Variants in ZNF850 observed in about 807,000 individuals in gnomAD.
The protein encoded by ZNF850 is zinc finger protein 850, also known as putative zinc finger protein ENSP00000330994.
In ZNF850, 2 loss-of-function variants were observed where a neutral mutation model predicts 11.9. That is an observed-to-expected ratio of 0.17 (90% CI 0.07 to 0.53). The LOEUF is 0.53. Ranked by LOEUF, ZNF850 falls within the 20% of genes least tolerant of loss-of-function variation. The probability of loss-of-function intolerance (pLI) is 0.94; values close to 1 mark genes in which losing one functional copy is unlikely to be tolerated. For missense variants in ZNF850, 1,014 were observed against 1,316.4 expected (o/e 0.77, Z 3.55); for synonymous variants, 381 against 443.0 (o/e 0.86, Z 1.76).
intron 1 of ZNF850, among the ~76,000 whole-genome samples, chr19:36,771,128 TTCTC>T (rs1406248346): frequency 6.6e-6 from 1 of 152,202 alleles, no homozygotes; most frequent in Non-Finnish European, 1.5e-5. Flanking sequence ...TTTGCCTTCT[TTCTC>T]TCACGGCCAA....
In ZNF850 at chr19:36,758,929, A is replaced by G. The variant is rs1469864940; in HGVS notation, c.235+2714T>C. ...CCATCTCAACTAAAAATACAAAAAA[A>G]AAAATTAGCTGGGTGTGGTGGCACA... is the stretch of plus-strand genomic sequence containing the variant. On this transcript the variant is annotated intron_variant, in intron 4 of 4. Coordinates refer to ENST00000591344, the MANE Select transcript of ZNF850 (RefSeq NM_001193552.2). Among the ~76,000 whole-genome samples the G allele has an allele frequency of 2.0e-5, 3 of 152,102 alleles. No homozygotes were observed. In the South Asian group the frequency reaches 6.2e-4, roughly 32 times the overall value.
In ZNF850 at chr19:36,762,576, T is replaced by C. The variant is rs770102357; in HGVS notation, c.12+19A>G. ...GAGTGGGGAAGAGTAAAAAAATTAGTGTAACTTCAACAAAGTACCTCCATG... is the reference window on the plus strand; with the variant it reads ...GAGTGGGGAAGAGTAAAAAAATTAGCGTAACTTCAACAAAGTACCTCCATG... On this transcript the variant is annotated intron_variant, in intron 2 of 4. Coordinates refer to ENST00000591344, the MANE Select transcript of ZNF850 (RefSeq NM_001193552.2). 23 of 1,535,886 alleles carry C rather than the reference T, an allele frequency of 1.5e-5. No homozygotes were observed. The highest frequency in any genetic ancestry group is 2.4e-5 in the East Asian group (1 of 40,928).
At position 36,761,686 on chromosome 19, in the gene ZNF850, C is replaced by T. The variant is rs551002356; in HGVS notation, c.192G>A (p.Glu64=). The T allele has an allele frequency of 2.2e-5, 35 of 1,562,552 alleles. No homozygotes were observed. The highest frequency in any genetic ancestry group is 8.1e-5 in the African/African-American group (6 of 74,288). Residue 64 remains glutamate (E), a synonymous_variant, in exon 4 of 5, where the codon GAG becomes GAA. Coordinates refer to ENST00000591344, the MANE Select transcript of ZNF850 (RefSeq NM_001193552.2). ...DVISLLEQGK[E]PWMVSRDVLG... is the part of the protein sequence containing the mutation. ...GCACGTCCCTTGAAACCATCCAGGG[C>T]TCTTTCCCTTGCTCCAGTAAGGAAA...
intron 1 of ZNF850, among the ~76,000 whole-genome samples, chr19:36,772,473 C>A (rs1317721018): frequency 2.0e-5 from 3 of 152,154 alleles, no homozygotes; most frequent in Admixed American, 2.0e-4. Context: ...AAGTCACACA[C>A]CCACCCCGGG....
intron 1 of ZNF850, among the ~76,000 whole-genome samples, chr19:36,765,433 A>G (rs1387662722): frequency 1.3e-5 from 2 of 152,048 alleles, no homozygotes; most frequent in Non-Finnish European, 2.9e-5. Flanking sequence ...TTACCTTACA[A>G]ATGCTGCTTT....
intron 1 of ZNF850, among the ~76,000 whole-genome samples, chr19:36,764,633 G>A (rs897318163): frequency 4.0e-5 from 6 of 151,006 alleles, no homozygotes; most frequent in Non-Finnish European, 7.4e-5. Context: ...CGCCAAAACT[G>A]TTTTGTTTTT....
In ZNF850 at chr19:36,750,230, T is replaced by C. The variant is rs1425183180; in HGVS notation, c.810A>G (p.Gln270=). The change falls in exon 5 of 5, where the codon CAA becomes CAG. Residue 270 remains glutamine, a synonymous_variant. Transcript: ENST00000591344. ...KAFRPSAHLI[Q]HWRIHTGDKP... ...TGTCACCAGTATGAATTCTCCAATGTTGAATAAGATGTGCAGACGGTCTAA... is the reference window on the plus strand; with the variant it reads ...TGTCACCAGTATGAATTCTCCAATGCTGAATAAGATGTGCAGACGGTCTAA... The C allele has an allele frequency of 5.9e-6, 9 of 1,538,420 alleles. No individual in the cohort carries two copies. The highest frequency in any genetic ancestry group is 1.4e-5 in the African/African-American group (1 of 73,070).
rs1287955157 is a variant in ZNF850, at chr19:36,749,854, T to A, written c.1186A>T (p.Lys396Ter). The A allele has an allele frequency of 6.3e-7, 1 of 1,578,304 alleles. No homozygotes were observed. Among genetic ancestry groups the A allele is most frequent in the Non-Finnish European group, 8.6e-7 (1 of 1,164,442 alleles). ...AAAGTAAAAGATTTCCCACATTCCTTACAATCATAGGGTTTCTCACCAGTG... is the reference window on the plus strand; with the variant it reads ...AAAGTAAAAGATTTCCCACATTCCTAACAATCATAGGGTTTCTCACCAGTG... ...IHTGEKPYDCKECGKSFTFRS... is the reference protein window; with the variant it reads ...IHTGEKPYDC Residue 396 changes from lysine (K) to a stop codon, truncating the protein, a stop_gained, in exon 5 of 5, where the codon AAG becomes TAG. Coordinates refer to ENST00000591344, the MANE Select transcript of ZNF850 (RefSeq NM_001193552.2). LOFTEE classifies it low-confidence loss of function (END_TRUNC).
At chr19:36,766,599 C>T (rs1338114151) in intron 1 of ZNF850, among the ~76,000 whole-genome samples, 4 of 152,170 alleles carry the variant, frequency 2.6e-5, no homozygotes, top group African/African-American at 9.7e-5. Context: ...ATTTTTGCTG[C>T]AAACCTTTCC....
chr19:36,765,997 T>C (rs1176156926), intron 1 of ZNF850, among the ~76,000 whole-genome samples: 1 of 152,146 alleles, frequency 6.6e-6, no homozygotes, highest in East Asian at 1.9e-4. Flanking sequence ...CAAGTGACTC[T>C]TGTGCCTCAG....
chr19:36,756,437 CTA>C (rs1413389361), intron 4 of ZNF850, among the ~76,000 whole-genome samples: 2 of 152,142 alleles, frequency 1.3e-5, no homozygotes, highest in African/African-American at 4.8e-5. Flanking sequence ...GTATGTGTAT[CTA>C]TGTGTGCATT....
rs826987 is a variant in ZNF850, at chr19:36,747,179, C to T, written c.*588G>A. ...ACAAAACAAACAAACAAAAAATACA[C>T]AAAAACAACTATTGCCATCAACATT... is the stretch of plus-strand genomic sequence containing the variant. On this transcript the variant is annotated 3_prime_UTR_variant, in exon 5 of 5. Transcript: ENST00000591344. The T allele has an allele frequency of 0.31, 48,004 of 155,874 alleles. 7,855 individuals are homozygous for T. Among genetic ancestry groups the T allele is most frequent in the East Asian group, 0.57 (3,030 of 5,280 alleles). 9.7% of individuals were successfully genotyped at this position (155,874 alleles called of 1,614,324 possible).
chr19:36,767,353 T>C (rs1017760857), intron 1 of ZNF850, among the ~76,000 whole-genome samples: 1 of 151,968 alleles, frequency 6.6e-6, no homozygotes, highest in Non-Finnish European at 1.5e-5. Flanking sequence ...GGTCAGGAGT[T>C]CCAGACCAGC....
intron 1 of ZNF850, among the ~76,000 whole-genome samples, chr19:36,768,687 G>T (rs1220692898): frequency 6.6e-6 from 1 of 152,152 alleles, no homozygotes. Flanking sequence ...GATAGGCCAG[G>T]TGTGGTGGCT....
Position 36,763,567 on chromosome 19 carries a change from A to C in ZNF850, c.-69-892T>G, listed in dbSNP as rs145958373. 3.1e-3 allele frequency among the ~76,000 whole-genome samples: 466 copies of C among 151,996 alleles called. 2 individuals are homozygous for C. The highest frequency in any genetic ancestry group is 8.5e-3 in the African/African-American group (352 of 41,492). ...CTCAAAACAAACACAACAACAACAA[A>C]AAAAAACCTCTAATGCACTTCACTA... On this transcript the variant is annotated intron_variant, in intron 1 of 4. Transcript: ENST00000591344.
chr19:36,761,068 CGAA>C (rs1042859087), intron 4 of ZNF850, among the ~76,000 whole-genome samples: 3 of 151,854 alleles, frequency 2.0e-5, no homozygotes, highest in Non-Finnish European at 4.4e-5. Flanking sequence ...GGATGGCTCC[CGAA>C]GAAGGGAACT....
intron 1 of ZNF850, among the ~76,000 whole-genome samples, chr19:36,770,733 A>AAAAAAAAAAAC (rs2040576573): frequency 1.4e-5 from 2 of 138,932 alleles, no homozygotes; most frequent in Non-Finnish European, 3.1e-5. Flanking sequence ...AAAAAAAAAA[A>AAAAAAAAAAAC]AAAAAGCCAG....
intron 4 of ZNF850, among the ~76,000 whole-genome samples, chr19:36,754,171 CAAA>C (rs61598199): frequency 0.013 from 956 of 73,056 alleles, 11 homozygotes; most frequent in African/African-American, 0.037. Context: ...GACCCTGTCT[CAAA>C]AAAAAAAAAA....
intron 1 of ZNF850, among the ~76,000 whole-genome samples, chr19:36,767,767 G>A (rs2040557471): frequency 6.6e-6 from 1 of 151,096 alleles, no homozygotes; most frequent in Non-Finnish European, 1.5e-5. Context: ...CTTTTATTTG[G>A]GGGAAAAAAA....
Sources: gnomAD v4.1 joint callset for allele counts (sites outside exome capture counted in the v4.1 genomes callset) on GRCh38, gnomAD v4.1.1 for gene constraint, MANE v1.5 for transcripts, NCBI Gene and HGNC (gene_info 2026-07-23, HGNC 2026-07-21) for gene names.